ZNF600: variants seen among roughly 807,000 people sequenced by gnomAD.
The protein encoded by ZNF600 is zinc finger protein 600.
Under a neutral mutation model 7.3 loss-of-function variants are expected in ZNF600, and 4 were observed. That is an observed-to-expected ratio of 0.55 (90% confidence interval 0.27 to 1.25). The LOEUF (loss-of-function observed/expected upper bound fraction) is 1.25. ZNF600 is among the 50% of genes most tolerant of loss of function. The probability of loss-of-function intolerance (pLI) is 0.12; values close to 1 mark genes in which losing one functional copy is unlikely to be tolerated. For synonymous variants in ZNF600, 290 were observed against 308.9 expected (o/e 0.94, Z 0.64); for missense variants, 911 against 922.1 (o/e 0.99, Z 0.16).
the ZNF600 span, chr19:52,798,482 T>G: frequency 6.1e-6 from 3 of 488,796 alleles, no homozygotes; most frequent in Admixed American, 2.3e-5. Flanking sequence ...CAAGGAGTGA[T>G]CTCGGACTGA....
chr19:52,821,951 T>G, the ZNF600 span, among the ~76,000 whole-genome samples: 1 of 148,112 alleles, frequency 6.8e-6, no homozygotes, highest in Non-Finnish European at 1.5e-5. Flanking sequence ...AATTTGCTTG[T>G]GCGAGACAGG....
At chr19:52,801,596 T>C in the ZNF600 span, 1 of 1,614,176 alleles carries the variant, frequency 6.2e-7, no homozygotes. Flanking sequence ...AGCAAAAATC[T>C]CCAATGTGAT....
At chr19:52,768,112 T>TGAA in intron 3 of ZNF600, among the ~76,000 whole-genome samples, 1 of 151,698 alleles carries the variant, frequency 6.6e-6, no homozygotes, top group Admixed American at 6.6e-5. Context: ...GAGAAAAATA[T>TGAA]ATATTTTTCA....
chr19:52,787,170 G>A (rs982940558), upstream of ZNF600, among the ~76,000 whole-genome samples: 4 of 152,132 alleles, frequency 2.6e-5, no homozygotes, highest in Non-Finnish European at 5.9e-5. Context: ...TGTTCCCTAG[G>A]GCCTCCGCCT....
the ZNF600 span, chr19:52,798,553 T>C: frequency 7.9e-6 from 4 of 506,254 alleles, no homozygotes; most frequent in Non-Finnish European, 1.6e-5. Context: ...CTCTGATGTC[T>C]ATTGAGGTGT....
chr19:52,778,384 T>C (rs1310536552), intron 2 of ZNF600, among the ~76,000 whole-genome samples: 2 of 152,154 alleles, frequency 1.3e-5, no homozygotes, highest in Non-Finnish European at 2.9e-5. Context: ...TTCAAATGCA[T>C]TACCAAATCA....
chr19:52,777,205 C>T (rs895275098), intron 2 of ZNF600, among the ~76,000 whole-genome samples: 1 of 151,442 alleles, frequency 6.6e-6, no homozygotes, highest in Non-Finnish European at 1.5e-5. Context: ...GGTGAAACCC[C>T]ATCTCTACTA....
the ZNF600 span, among the ~76,000 whole-genome samples, chr19:52,796,988 C>A: frequency 6.6e-6 from 1 of 152,108 alleles, no homozygotes; most frequent in Non-Finnish European, 1.5e-5. Flanking sequence ...TTCGTGAAGA[C>A]CCCTTGTACT....
chr19:52,764,178 C>G (rs1417254981), downstream of ZNF600: 3 of 149,170 alleles, frequency 2.0e-5, no homozygotes, highest in Non-Finnish European at 3.0e-5. Flanking sequence ...ACAATGAGAA[C>G]AAAAGCATTT....
chr19:52,809,776 GC>G, the ZNF600 span: 1 of 496,254 alleles, frequency 2.0e-6, no homozygotes, highest in Non-Finnish European at 3.5e-6. Flanking sequence ...CTTCACTGCA[GC>G]CTGGGTGACA....
the ZNF600 span, among the ~76,000 whole-genome samples, chr19:52,811,691 T>C: frequency 7.4e-5 from 10 of 135,558 alleles, no homozygotes; most frequent in African/African-American, 2.1e-4. Context: ...AGCCCCTCCG[T>C]CCGGCAACCA....
chr19:52,786,811 T>C (rs1207592468), upstream of ZNF600: 2 of 338,180 alleles, frequency 5.9e-6, no homozygotes, highest in Non-Finnish European at 1.3e-5. Flanking sequence ...CCGGGGCAGG[T>C]TGGCTGGACC....
intron 3 of ZNF600, among the ~76,000 whole-genome samples, chr19:52,769,569 C>T (rs1031599362): frequency 2.4e-4 from 37 of 152,244 alleles, no homozygotes; most frequent in African/African-American, 8.7e-4. Context: ...TAAATATCAG[C>T]GCAGCCTGGC....
At chr19:52,774,232 C>G (rs760044810) in intron 3 of ZNF600, among the ~76,000 whole-genome samples, 1 of 151,532 alleles carries the variant, frequency 6.6e-6, no homozygotes, top group Non-Finnish European at 1.5e-5. Context: ...GAGTGAGAGA[C>G]GAGTCTGACC....
the ZNF600 span, chr19:52,810,717 T>A: frequency 2.6e-6 from 2 of 760,034 alleles, no homozygotes; most frequent in Non-Finnish European, 4.8e-6. Context: ...AAAAAAAATG[T>A]GTATTAGGAG....
intron 1 of ZNF600, among the ~76,000 whole-genome samples, chr19:52,779,871 G>C (rs13346905): frequency 0.16 from 24,042 of 151,978 alleles, 2,617 homozygotes; most frequent in African/African-American, 0.3. Context: ...GAAACCACAT[G>C]TCTACTAAAA....
intron 1 of ZNF600, among the ~76,000 whole-genome samples, chr19:52,779,876 C>G (rs2062706472): frequency 6.6e-6 from 1 of 152,054 alleles, no homozygotes. Context: ...CACATGTCTA[C>G]TAAAAATACA....
chr19:52,784,436 A>G, intron 1 of ZNF600, among the ~76,000 whole-genome samples: 1 of 152,134 alleles, frequency 6.6e-6, no homozygotes, highest in East Asian at 1.9e-4. Context: ...AATTAAAAGT[A>G]TTATGTAATA....
At chr19:52,775,831 C>T (rs889003171) in intron 2 of ZNF600, among the ~76,000 whole-genome samples, 2 of 152,004 alleles carry the variant, frequency 1.3e-5, no homozygotes, top group African/African-American at 2.4e-5. Context: ...CATGCTGAAA[C>T]CCCTTCTCTA....
Sources: allele counts gnomAD v4.1 joint callset (sites outside exome capture counted in the v4.1 genomes callset), GRCh38; gene constraint gnomAD v4.1.1; transcripts MANE v1.5; gene names NCBI Gene and HGNC (gene_info 2026-07-23, HGNC 2026-07-21).